TNFRSF10A: variants seen among roughly 807,000 people sequenced by gnomAD.
TNFRSF10A encodes the protein tumor necrosis factor receptor superfamily member 10A.
Under a neutral mutation model 42.8 loss-of-function variants are expected in TNFRSF10A, and 44 were observed. The ratio of observed to expected loss-of-function variants is 1.03; its 90% CI spans 0.81 to 1.32. TNFRSF10A has a LOEUF of 1.32. Among genes scored for constraint, TNFRSF10A ranks in the 40% most tolerant of loss-of-function variants. The probability of loss-of-function intolerance (pLI) is 0.00; values close to 1 mark genes in which losing one functional copy is unlikely to be tolerated. For missense variants in TNFRSF10A, 680 were observed against 602.0 expected, an observed-to-expected ratio of 1.13 and a Z score of -1.36; for synonymous variants, 259 against 234.2, an observed-to-expected ratio of 1.11 and a Z score of -0.97.
At chr8:23,206,241 A>T (rs1801006222) in intron 2 of TNFRSF10A, among the ~76,000 whole-genome samples, 1 of 152,158 alleles carries the variant, frequency 6.6e-6, no homozygotes. Flanking sequence ...ATATTGAAGG[A>T]AGGAAAAAAA....
At chr8:23,196,874 C>A (rs1335335684) in intron 9 of TNFRSF10A, among the ~76,000 whole-genome samples, 1 of 152,048 alleles carries the variant, frequency 6.6e-6, no homozygotes, top group Non-Finnish European at 1.5e-5. Flanking sequence ...TTCTCCTGAA[C>A]AACAAAGGAG....
At chr8:23,212,489 G>C (rs958744740) in intron 1 of TNFRSF10A, among the ~76,000 whole-genome samples, 5 of 152,182 alleles carry the variant, frequency 3.3e-5, no homozygotes, top group Non-Finnish European at 5.9e-5. Context: ...TGGTTTTCTT[G>C]AGGCTGTCAT....
intron 2 of TNFRSF10A, among the ~76,000 whole-genome samples, chr8:23,203,511 C>T (rs984034327): frequency 1.3e-5 from 2 of 152,230 alleles, no homozygotes; most frequent in Admixed American, 1.3e-4. Flanking sequence ...GAGCTGTCGC[C>T]AGCGGGAGCC....
intron 1 of TNFRSF10A, among the ~76,000 whole-genome samples, chr8:23,223,123 T>G (rs921669474): frequency 1.3e-5 from 2 of 152,240 alleles, no homozygotes; most frequent in Non-Finnish European, 2.9e-5. Context: ...TGGAGTGCAG[T>G]GGCGTGGTCT....
chr8:23,207,870 C>T (rs975766130), intron 2 of TNFRSF10A, among the ~76,000 whole-genome samples: 2 of 148,504 alleles, frequency 1.3e-5, no homozygotes. Context: ...GTAAATTGCC[C>T]AGTCTTGGGA....
chr8:23,212,089 G>A (rs1801100084), intron 2 of TNFRSF10A, 27 bp downstream of exon 2: 1 of 1,587,564 alleles, frequency 6.3e-7, no homozygotes, highest in Admixed American at 1.7e-5. Flanking sequence ...GAGGTGTAAA[G>A]GATTAGAGAT....
At chr8:23,207,259 T>C (rs930412005) in intron 2 of TNFRSF10A, 2 of 595,860 alleles carry the variant, frequency 3.4e-6, no homozygotes, top group African/African-American at 3.7e-5. Flanking sequence ...GATGTTTATG[T>C]GGCCAAGGTT....
rs1289909548 is a variant in TNFRSF10A, at chr8:23,200,367, G to T, written c.799+138C>A. The T allele has an allele frequency of 4.3e-6, 4 of 929,396 alleles. No individual in the cohort carries two copies. In the African/African-American group the frequency reaches 4.9e-5, roughly 11 times the overall value. 57.6% of individuals were successfully genotyped at this position (929,396 alleles called of 1,614,324 possible). On this transcript the variant is annotated intron_variant, in intron 6 of 9. Coordinates refer to ENST00000221132, the MANE Select transcript of TNFRSF10A (RefSeq NM_003844.4). ...TAGGGTTGCACAGGATGGGAGGATG[G>T]GGGGTGATCACAAGGAGGAAGATAG...
At position 23,197,141 on chromosome 8, in the gene TNFRSF10A, G is replaced by C. The variant is rs944972444; in HGVS notation, c.1078C>G (p.Pro360Ala). ...RLLVPANGAD[P>A]TETLMLFFDK... ...GGAGCAAAACACTTACTCTCAGTGG[G>C]GTCAGCACCATTTGCTGGAACCAGC... is the stretch of plus-strand genomic sequence containing the variant. The change falls in exon 9 of 10, where the codon CCC becomes GCC. Residue 360 changes from proline (P) to alanine (A), a missense_variant. Pro to Ala is a conservative substitution (Grantham distance 27). Coordinates refer to ENST00000221132, the MANE Select transcript of TNFRSF10A (RefSeq NM_003844.4). 5.0e-6 allele frequency: 8 copies of C among 1,614,106 alleles called. No homozygotes were observed. The highest frequency in any genetic ancestry group is 6.8e-6 in the Non-Finnish European group (8 of 1,179,996).
rs139611685 is a variant in TNFRSF10A, at chr8:23,191,903, C to T, written c.1198G>A (p.Gly400Ser). 6.2e-7 allele frequency: 1 copy of T among 1,614,146 alleles called. No individual in the cohort carries two copies. ...AAGGCATCCCCTGGGCCTGCTGTAC[C>T]AGCTCTGACCACATCGATCTCATTT... is the stretch of plus-strand genomic sequence containing the variant. Reference protein sequence around the residue: ...TKNEIDVVRAGTAGPGDALYA... With the variant: ...TKNEIDVVRASTAGPGDALYA... Residue 400 changes from glycine to serine, a missense_variant, in exon 10 of 10, where the codon GGT (glycine) becomes AGT (serine). Physicochemically the swap from Gly to Ser is moderately conservative, Grantham distance 56. Coordinates refer to ENST00000221132, the MANE Select transcript of TNFRSF10A (RefSeq NM_003844.4).
intron 1 of TNFRSF10A, among the ~76,000 whole-genome samples, chr8:23,214,586 T>C (rs888804610): frequency 3.3e-5 from 5 of 152,218 alleles, no homozygotes; most frequent in African/African-American, 1.2e-4. Context: ...TTTATTGTGA[T>C]TGGAAAAGAT....
chr8:23,208,563 C>G (rs936787433), intron 2 of TNFRSF10A, among the ~76,000 whole-genome samples: 2 of 152,160 alleles, frequency 1.3e-5, no homozygotes, highest in Non-Finnish European at 2.9e-5. Context: ...TCACACCATT[C>G]TCCTGCCTCA....
At chr8:23,212,015 GA>G in intron 2 of TNFRSF10A, 100 bp downstream of exon 2, 1 of 1,073,820 alleles carries the variant, frequency 9.3e-7, no homozygotes, top group Non-Finnish European at 1.4e-6. Flanking sequence ...GAAGAACATG[GA>G]AAAGGAATGT....
At chr8:23,221,534 G>T (rs945519132) in intron 1 of TNFRSF10A, among the ~76,000 whole-genome samples, 6 of 152,212 alleles carry the variant, frequency 3.9e-5, no homozygotes, top group Non-Finnish European at 8.8e-5. Flanking sequence ...GTGAGAAACT[G>T]AGCTCAGCTC....
chr8:23,217,200 T>C (rs1056274997), intron 1 of TNFRSF10A, among the ~76,000 whole-genome samples: 1 of 152,152 alleles, frequency 6.6e-6, no homozygotes, highest in Non-Finnish European at 1.5e-5. Context: ...ATGATTATTA[T>C]GCCTTCTGAT....
At chr8:23,209,813 G>A (rs948512519) in intron 2 of TNFRSF10A, among the ~76,000 whole-genome samples, 6 of 152,330 alleles carry the variant, frequency 3.9e-5, no homozygotes, top group South Asian at 2.1e-4. Context: ...GTGAACTTCC[G>A]AGCTAATGCT....
At chr8:23,192,327 G>T (rs1800768108) in intron 9 of TNFRSF10A, among the ~76,000 whole-genome samples, 1 of 152,226 alleles carries the variant, frequency 6.6e-6, no homozygotes. Context: ...GAGAGCCCGA[G>T]GGAGGGAGGG....
Position 23,224,461 on chromosome 8 carries a change from G to C in TNFRSF10A, c.306+295C>G, listed in dbSNP as rs1212946312. 16 of 443,468 alleles carry C rather than the reference G, an allele frequency of 3.6e-5. No homozygotes were observed. The Middle Eastern group carries it at 1.8e-3, about 50-fold the overall frequency. 27.5% of individuals were successfully genotyped at this position (443,468 alleles called of 1,614,324 possible). A position where few individuals can be genotyped will look rare whatever the true frequency, so the allele number is the denominator to read the frequency against. ...AGCTCTATCGATTCCGAAACTTCCC[G>C]ATACATCGTGAGGTGTGGGCAGGAG... On this transcript the variant is annotated intron_variant, in intron 1 of 9. Coordinates refer to ENST00000221132, the MANE Select transcript of TNFRSF10A (RefSeq NM_003844.4).
intron 1 of TNFRSF10A, among the ~76,000 whole-genome samples, chr8:23,217,946 G>C (rs991836058): frequency 2.9e-4 from 44 of 152,168 alleles, no homozygotes; most frequent in Non-Finnish European, 5.9e-4. Flanking sequence ...TAGAGGGAAA[G>C]GTCCACATAG....
Sources: gnomAD v4.1 joint callset for allele counts (sites outside exome capture counted in the v4.1 genomes callset) on GRCh38, gnomAD v4.1.1 for gene constraint, MANE v1.5 for transcripts, NCBI Gene and HGNC (gene_info 2026-07-23, HGNC 2026-07-21) for gene names.